The following DRD3 variants were observed in gnomAD, a reference collection of about 807,000 sequenced individuals.
DRD3 encodes the protein dopamine receptor D3.
DRD3 carries 19 observed loss-of-function variants against 36.3 expected under a neutral mutation model. That is an observed-to-expected ratio of 0.52 (90% CI 0.36 to 0.77). The LOEUF (loss-of-function observed/expected upper bound fraction) is 0.77, where lower values mean the gene tolerates loss of function less well. DRD3 is among the 30% of genes least tolerant of loss of function. The pLI is 0.00. For synonymous variants in DRD3, 195 were observed against 203.7 expected (o/e 0.96, Z 0.36); for missense variants, 465 against 505.3 (o/e 0.92, Z 0.77).
intron 1 of DRD3, among the ~76,000 whole-genome samples, chr3:114,193,082 A>T (rs189809316): frequency 6.6e-6 from 1 of 151,978 alleles, no homozygotes; most frequent in Non-Finnish European, 1.5e-5. Flanking sequence ...GATCGAGACC[A>T]TCCTGGCTAA....
At chr3:114,165,290 G>T (rs2971569) in intron 2 of DRD3, among the ~76,000 whole-genome samples, 76,953 of 151,550 alleles carry the variant, frequency 0.51, 22,822 homozygotes, top group Non-Finnish European at 0.66. Context: ...TCATCAGTGT[G>T]CAGGAAGGAG....
intron 5 of DRD3, among the ~76,000 whole-genome samples, chr3:114,132,353 C>T (rs568624052): frequency 7.9e-5 from 12 of 152,082 alleles, no homozygotes; most frequent in South Asian, 2.1e-4. Flanking sequence ...GGGAGCTGAA[C>T]GGTGAGAACA....
In DRD3 at chr3:114,138,777, G is replaced by A. The variant is rs561593426; in HGVS notation, c.723+723C>T. 3.3e-5 allele frequency among the ~76,000 whole-genome samples: 5 copies of A among 152,254 alleles called. No individual in the cohort carries two copies. In the South Asian group the frequency reaches 1.0e-3, roughly 32 times the overall value. Reference sequence around the variant, plus strand: ...CTTCATTAACATTGAGTGGAGGGGTGCTTTATTTGCTTTTCTAGATTCTAA... The same window carrying A: ...CTTCATTAACATTGAGTGGAGGGGTACTTTATTTGCTTTTCTAGATTCTAA... On this transcript the variant is annotated intron_variant, in intron 5 of 6. Coordinates refer to ENST00000383673, the MANE Select transcript of DRD3 (RefSeq NM_000796.6).
Position 114,147,263 on chromosome 3 carries a change from A to G in DRD3, c.526+152T>C. On this transcript the variant is annotated intron_variant, in intron 4 of 6. Coordinates refer to ENST00000383673, the MANE Select transcript of DRD3 (RefSeq NM_000796.6). ...TTTATATTTTATTTATAACCCACAA[A>G]GGCCAAAGCTTTGCATTCTGTGGCA... 2 of 977,778 alleles carry G rather than the reference A, an allele frequency of 2.0e-6. 1 individual carries two copies. The highest frequency in any genetic ancestry group is 4.6e-5 in the South Asian group (2 of 43,652). 60.6% of individuals were successfully genotyped at this position (977,778 alleles called of 1,614,324 possible).
intron 1 of DRD3, among the ~76,000 whole-genome samples, chr3:114,178,034 A>T (rs2077917810): frequency 6.6e-6 from 1 of 152,190 alleles, no homozygotes; most frequent in Non-Finnish European, 1.5e-5. Context: ...TGGAACAAAT[A>T]CCTAATTGCA....
chr3:114,187,457 T>G (rs989267760), intron 1 of DRD3, among the ~76,000 whole-genome samples: 3 of 152,238 alleles, frequency 2.0e-5, no homozygotes, highest in Non-Finnish European at 2.9e-5. Context: ...AGACAGGACT[T>G]GTAGGACTTT....
intron 4 of DRD3, among the ~76,000 whole-genome samples, chr3:114,143,475 T>G (rs2077544621): frequency 6.6e-6 from 1 of 152,222 alleles, no homozygotes; most frequent in Non-Finnish European, 1.5e-5. Context: ...CAGGCTGTCT[T>G]GGGAAACTGA....
In DRD3 at chr3:114,147,525, T is replaced by C; in HGVS notation, c.416A>G (p.Gln139Arg). The change falls in exon 4 of 7, where the codon CAG (glutamine) becomes CGG (arginine). Residue 139 changes from glutamine to arginine, a missense_variant. Gln to Arg is a conservative substitution (Grantham distance 43, BLOSUM62 1). Transcript: ENST00000383673. Reference protein sequence around the residue: ...YTAVVMPVHYQHGTGQSSCRR... With the variant: ...YTAVVMPVHYRHGTGQSSCRR... ...ACAGGAGCTCTGTCCCGTGCCATGC[T>C]GGTAGTGAACGGGCATGACCACTGC... 6.2e-7 allele frequency: 1 copy of C among 1,614,046 alleles called. No individual in the cohort carries two copies. The highest frequency in any genetic ancestry group is 8.5e-7 in the Non-Finnish European group (1 of 1,179,976).
At chr3:114,149,283 C>T (rs980245246) in intron 3 of DRD3, among the ~76,000 whole-genome samples, 6 of 152,142 alleles carry the variant, frequency 3.9e-5, no homozygotes, top group Non-Finnish European at 8.8e-5. Flanking sequence ...GTGAGTGATA[C>T]GAGAGGGAGC....
chr3:114,139,081 G>GA (rs1307191537), intron 5 of DRD3, among the ~76,000 whole-genome samples: 1 of 152,156 alleles, frequency 6.6e-6, no homozygotes, highest in Non-Finnish European at 1.5e-5. Flanking sequence ...ATCCAGTAAG[G>GA]AAAAAAGGCT....
chr3:114,186,281 C>A (rs1233444225), intron 1 of DRD3, among the ~76,000 whole-genome samples: 7 of 152,204 alleles, frequency 4.6e-5, no homozygotes, highest in Non-Finnish European at 1.0e-4. Flanking sequence ...GCATGTGCCA[C>A]CATGCCCGGT....
At chr3:114,155,647 T>G (rs1478033437) in intron 3 of DRD3, among the ~76,000 whole-genome samples, 1 of 150,724 alleles carries the variant, frequency 6.6e-6, no homozygotes, top group East Asian at 1.9e-4. Flanking sequence ...AAGGGAGTGA[T>G]AGCTGAATTT....
intron 4 of DRD3, among the ~76,000 whole-genome samples, chr3:114,143,319 T>G (rs1577589807): frequency 6.6e-6 from 1 of 152,216 alleles, no homozygotes; most frequent in East Asian, 1.9e-4. Context: ...TTAGAGATGC[T>G]TATCCCAACT....
At chr3:114,174,938 C>G (rs2077883479) in intron 1 of DRD3, among the ~76,000 whole-genome samples, 1 of 152,004 alleles carries the variant, frequency 6.6e-6, no homozygotes, top group Admixed American at 6.6e-5. Context: ...GGCTGGTTTC[C>G]TCATCAGCAA....
In DRD3 at chr3:114,172,000, A is replaced by C; in HGVS notation, c.-8T>G. 2.1e-6 allele frequency: 3 copies of C among 1,437,148 alleles called. No homozygotes were observed. In the South Asian group the frequency reaches 4.7e-5, roughly 23 times the overall value. The allele number at this position is 1,437,148 out of a possible 1,614,324, so 89.0% of individuals were successfully genotyped here. ...CTGGCTCAGAGATGCCATAGCCCAG[A>C]GGGAGGTGCGTGATGCCAAGGGGCT... On this transcript the variant is annotated 5_prime_UTR_variant, in exon 2 of 7. Coordinates refer to ENST00000383673, the MANE Select transcript of DRD3 (RefSeq NM_000796.6).
At chr3:114,176,376 T>C (rs1016893198) in intron 1 of DRD3, among the ~76,000 whole-genome samples, 1 of 152,052 alleles carries the variant, frequency 6.6e-6, no homozygotes, top group Non-Finnish European at 1.5e-5. Context: ...GATGGAAGGA[T>C]CACTTGAGGC....
chr3:114,182,728 C>T (rs2077954989), upstream of DRD3, among the ~76,000 whole-genome samples: 1 of 152,116 alleles, frequency 6.6e-6, no homozygotes, highest in African/African-American at 2.4e-5. Context: ...TCTCTAAGTA[C>T]CTCATATAAG....
chr3:114,129,057 C>T (rs975179629), intron 6 of DRD3, 145 bp from the exon 7 acceptor site: 61 of 852,280 alleles, frequency 7.2e-5, no homozygotes, highest in Non-Finnish European at 1.0e-4. Flanking sequence ...TTATAACAAC[C>T]CTAGGCCGGG....
At position 114,171,741 on chromosome 3, in the gene DRD3, G is replaced by C. The variant is rs763772611; in HGVS notation, c.252C>G (p.Pro84=). 2.5e-6 allele frequency: 4 copies of C among 1,608,360 alleles called. No individual in the cohort carries two copies. The highest frequency in any genetic ancestry group is 2.2e-5 in the East Asian group (1 of 44,740). ...ADLLVATLVM[P]WVVYLEVTGG... ...TACTCACCTCCAGGTATACCACCCA[G>C]GGCATCACCAAGGTGGCCACCAGCA... The change falls in exon 2 of 7, where the codon CCC becomes CCG. Residue 84 remains proline (P), a synonymous_variant. Coordinates refer to ENST00000383673, the MANE Select transcript of DRD3 (RefSeq NM_000796.6).
Sources: allele counts gnomAD v4.1 joint callset (sites outside exome capture counted in the v4.1 genomes callset), GRCh38; gene constraint gnomAD v4.1.1; transcripts MANE v1.5; gene names NCBI Gene and HGNC (gene_info 2026-07-23, HGNC 2026-07-21).